The following PXK variants were observed in gnomAD, a reference collection of about 807,000 sequenced individuals.
PXK encodes the protein PX domain containing serine/threonine kinase like, also known as PX domain-containing protein kinase-like protein.
PXK carries 35 observed loss-of-function variants against 84.7 expected under a neutral mutation model. The observed-to-expected ratio is 0.41, with a 90% CI of 0.32 to 0.55. The LOEUF is 0.55. PXK is among the 20% of genes least tolerant of loss of function. The probability of loss-of-function intolerance (pLI) is 0.21; values close to 1 mark genes in which losing one functional copy is unlikely to be tolerated. For synonymous variants in PXK, 253 were observed against 260.8 expected (o/e 0.97, Z 0.29); for missense variants, 634 against 699.7 (o/e 0.91, Z 1.06).
intron 17 of PXK, chr3:58,420,837 A>T: frequency 7.8e-7 from 1 of 1,286,556 alleles, no homozygotes; most frequent in Non-Finnish European, 9.9e-7. Flanking sequence ...AAAACCTGCA[A>T]ATCAACTGCA....
At chr3:58,422,194 G>A in intron 17 of PXK, 1 of 985,376 alleles carries the variant, frequency 1.0e-6, no homozygotes, top group Non-Finnish European at 1.2e-6. Context: ...CAATCAATGG[G>A]GCAGACTGAG....
At chr3:58,404,654 C>T (rs150034948) in intron 13 of PXK, among the ~76,000 whole-genome samples, 2 of 152,276 alleles carry the variant, frequency 1.3e-5, no homozygotes, top group Admixed American at 1.3e-4. Flanking sequence ...AGGTCATCTA[C>T]GGAAACTCCT....
In PXK at chr3:58,369,882, A is replaced by C. The variant is rs373084989; in HGVS notation, c.201+404A>C. Among the ~76,000 whole-genome samples, 42 of 152,224 alleles carry C rather than the reference A, an allele frequency of 2.8e-4. No individual in the cohort carries two copies. The South Asian group carries it at 3.7e-3, about 14-fold the overall frequency. On this transcript the variant is annotated intron_variant, in intron 3 of 17. Transcript: ENST00000356151. ...ATGGCAATATCAGAAACAAGAAATT[A>C]GCACATTTCCCTGTCAAAGAAAATA...
Position 58,383,895 on chromosome 3 carries a change from AT to A in PXK, c.388+1199del, listed in dbSNP as rs908095505. On this transcript the variant is annotated intron_variant, in intron 4 of 17. Coordinates refer to ENST00000356151, the MANE Select transcript of PXK (RefSeq NM_017771.5). This position sits in a 1 kb window ranked among gnomAD's most constrained non-coding sequence, Gnocchi z 4.0. ...ATTAGAGAGAGGCATTTTTATTCCT[AT>A]TTTATTCCTTTTATTTATTTATTCA... Among the ~76,000 whole-genome samples the A allele has an allele frequency of 6.6e-6, 1 of 152,124 alleles. No individual in the cohort carries two copies. The highest frequency in any genetic ancestry group is 2.4e-5 in the African/African-American group (1 of 41,430).
At chr3:58,377,613 A>AG (rs1254841689) in intron 3 of PXK, among the ~76,000 whole-genome samples, 5 of 137,362 alleles carry the variant, frequency 3.6e-5, no homozygotes, top group Non-Finnish European at 6.7e-5. Flanking sequence ...TCTAAAAAAA[A>AG]AAAAAAAGAA....
chr3:58,334,764 T>G (rs1254157214), intron 1 of PXK, among the ~76,000 whole-genome samples: 1 of 152,204 alleles, frequency 6.6e-6, no homozygotes, highest in Non-Finnish European at 1.5e-5. Flanking sequence ...TTGATAGGAT[T>G]TCAAATGTGT....
chr3:58,336,052 T>TAA (rs2097585610), intron 1 of PXK, among the ~76,000 whole-genome samples: 1 of 53,076 alleles, frequency 1.9e-5, no homozygotes, highest in Non-Finnish European at 3.2e-5. Context: ...TATATATATA[T>TAA]ATATATATAT....
chr3:58,334,959 C>CTGTCTG, intron 1 of PXK, among the ~76,000 whole-genome samples: 1 of 125,642 alleles, frequency 8.0e-6, no homozygotes, highest in Middle Eastern at 4.7e-3. Flanking sequence ...GTGTGTGTGT[C>CTGTCTG]TGTGTGTGTG....
intron 1 of PXK, among the ~76,000 whole-genome samples, chr3:58,363,314 A>T (rs544395307): frequency 6.6e-6 from 1 of 151,992 alleles, no homozygotes; most frequent in Non-Finnish European, 1.5e-5. Flanking sequence ...GTATACTTGT[A>T]TTCTGTGGCC....
chr3:58,355,023 G>A (rs1447347026), intron 1 of PXK, among the ~76,000 whole-genome samples: 1 of 151,900 alleles, frequency 6.6e-6, no homozygotes, highest in Non-Finnish European at 1.5e-5. Context: ...GGAGGCTGAG[G>A]TACGAGAATC....
chr3:58,359,193 G>A (rs539600608), intron 1 of PXK, among the ~76,000 whole-genome samples: 9 of 152,266 alleles, frequency 5.9e-5, no homozygotes, highest in African/African-American at 2.2e-4. Flanking sequence ...TTACTTAGTA[G>A]CTTCTAAGTG....
Position 58,412,954 on chromosome 3 carries a change from T to C in PXK, c.1519T>C (p.Ser507Pro), listed in dbSNP as rs769792864. 2 of 1,614,106 alleles carry C rather than the reference T, an allele frequency of 1.2e-6. No individual in the cohort carries two copies. Residue 507 changes from serine (S) to proline (P), a missense_variant, in exon 17 of 18, where the codon TCT (serine) becomes CCT (proline). This residue lies in a region of PXK where 273 missense variants were observed against 283.6 expected (regional missense o/e 0.96). Transcript: ENST00000356151. The surrounding 1 kb of genome is among the most constrained non-coding windows in gnomAD (Gnocchi z 6.2). Reference protein sequence around the residue: ...LTSPSSPTPPSTSGISALPPP... With the variant: ...LTSPSSPTPPPTSGISALPPP... ...GTCCCCGTCATCGCCAACTCCACCC[T>C]CTACATCAGGTTAGTGATGGAGTAA...
chr3:58,360,516 G>T (rs975539047), intron 1 of PXK, among the ~76,000 whole-genome samples: 7 of 152,108 alleles, frequency 4.6e-5, no homozygotes, highest in Non-Finnish European at 8.8e-5. Flanking sequence ...AGTAAAACAG[G>T]CTGGGCGCAG....
intron 7 of PXK, among the ~76,000 whole-genome samples, chr3:58,392,535 C>T (rs2098641224): frequency 6.6e-6 from 1 of 152,096 alleles, no homozygotes; most frequent in Admixed American, 6.5e-5. Flanking sequence ...TTATTTTTGG[C>T]CATATAGTGT....
intron 1 of PXK, among the ~76,000 whole-genome samples, chr3:58,339,249 T>C (rs1029327589): frequency 1.3e-5 from 2 of 150,914 alleles, no homozygotes. Context: ...TTTTTTTTTT[T>C]AGACGTAGTC....
chr3:58,360,208 C>T (rs1167190170), intron 1 of PXK, among the ~76,000 whole-genome samples: 1 of 152,114 alleles, frequency 6.6e-6, no homozygotes, highest in Admixed American at 6.5e-5. Context: ...CCATATAAAA[C>T]CATGCCAAGT....
At chr3:58,378,420 A>G (rs1037859271) in intron 3 of PXK, among the ~76,000 whole-genome samples, 1 of 151,152 alleles carries the variant, frequency 6.6e-6, no homozygotes, top group Non-Finnish European at 1.5e-5. Context: ...CCAAAGGGTC[A>G]CCAGACTCCT....
intron 3 of PXK, 77 bp downstream of exon 3, chr3:58,369,555 T>G: frequency 6.3e-5 from 73 of 1,155,706 alleles, no homozygotes; most frequent in Non-Finnish European, 8.8e-5. Context: ...CGGGGCACGG[T>G]GGCTCAACGC....
chr3:58,400,579 C>T lies in PXK; in HGVS notation c.1181+1202C>T, dbSNP rs772902354. On this transcript the variant is annotated intron_variant, in intron 12 of 17. Coordinates refer to ENST00000356151, the MANE Select transcript of PXK (RefSeq NM_017771.5). This position sits in a 1 kb window ranked among gnomAD's most constrained non-coding sequence, Gnocchi z 4.0. ...GTGACATTCTACTGTTCCACAGACA[C>T]TGAAGCGTCTGTCGCCAAACCAGCA... is the stretch of plus-strand genomic sequence containing the variant. Among the ~76,000 whole-genome samples the T allele has an allele frequency of 1.3e-5, 2 of 152,170 alleles. No homozygotes were observed. The highest frequency in any genetic ancestry group is 2.9e-5 in the Non-Finnish European group (2 of 68,030).
Sources: gnomAD v4.1 joint callset for allele counts (sites outside exome capture counted in the v4.1 genomes callset) on GRCh38, gnomAD v4.1.1 for gene constraint, gnomAD v4.1.1 regional missense constraint, Gnocchi (gnomAD v3.1) non-coding constraint, MANE v1.5 for transcripts, NCBI Gene and HGNC (gene_info 2026-07-23, HGNC 2026-07-21) for gene names.